The following MPHOSPH9 variants were observed in gnomAD, a reference collection of about 807,000 sequenced individuals.
MPHOSPH9 encodes M-phase phosphoprotein 9.
In MPHOSPH9, 88 loss-of-function variants were observed where a neutral mutation model predicts 145.5. The ratio of observed to expected loss-of-function variants is 0.60; its 90% confidence interval spans 0.51 to 0.72. The LOEUF (loss-of-function observed/expected upper bound fraction) is 0.72. Among genes scored for constraint, MPHOSPH9 ranks in the 30% least tolerant of loss-of-function variants. The pLI is 0.00. For synonymous variants in MPHOSPH9, 435 were observed against 486.2 expected (o/e 0.89, Z 1.39); for missense variants, 1,238 against 1,386.6 (o/e 0.89, Z 1.70).
At chr12:123,176,589 TA>T (rs1448166808) in intron 16 of MPHOSPH9, 98 bp downstream of exon 16, 16 of 870,530 alleles carry the variant, frequency 1.8e-5, no homozygotes, top group Non-Finnish European at 2.9e-5. Context: ...TAATGACATT[TA>T]ACCCGGACTT....
Position 123,202,915 on chromosome 12 carries a change from C to T in MPHOSPH9, c.1490G>A (p.Ser497Asn). ...PSDIDSFSQASNVTSQLPGFP... is the reference protein window; with the variant it reads ...PSDIDSFSQANNVTSQLPGFP... ...TCCAGGTAACTGAGAAGTGACATTA[C>T]TTGCTTGTGAAAATGAGTCTATGTC... Residue 497 changes from serine (S) to asparagine (N), a missense_variant, in exon 10 of 24, where the codon AGT (serine) becomes AAT (asparagine). By Grantham distance (46) the Ser-to-Asn change is conservative. Coordinates refer to ENST00000606320, the MANE Select transcript of MPHOSPH9 (RefSeq NM_022782.4). The T allele has an allele frequency of 6.2e-7, 1 of 1,614,142 alleles. No homozygotes were observed. Among genetic ancestry groups the T allele is most frequent in the Non-Finnish European group, 8.5e-7 (1 of 1,180,034 alleles).
intron 1 of MPHOSPH9, among the ~76,000 whole-genome samples, chr12:123,238,938 T>C (rs964056064): frequency 1.3e-5 from 2 of 152,154 alleles, no homozygotes; most frequent in Non-Finnish European, 2.9e-5. Flanking sequence ...ACCTAGAATT[T>C]GAAGCCTTCA....
chr12:123,207,515 G>A (rs1486111860), intron 8 of MPHOSPH9, among the ~76,000 whole-genome samples: 1 of 152,090 alleles, frequency 6.6e-6, no homozygotes, highest in Non-Finnish European at 1.5e-5. Flanking sequence ...TACTTTAATA[G>A]TATCTCTCCT....
At chr12:123,162,752 A>T (rs190688770) in intron 20 of MPHOSPH9, 15 of 356,254 alleles carry the variant, frequency 4.2e-5, no homozygotes, top group Middle Eastern at 7.6e-4. Context: ...AAAACAAAGA[A>T]CTATCATTCT....
At position 123,202,764 on chromosome 12, in the gene MPHOSPH9, G is replaced by C. The variant is rs766630504; in HGVS notation, c.1641C>G (p.Ile547Met). The C allele has an allele frequency of 6.7e-5, 108 of 1,614,050 alleles. No individual in the cohort carries two copies. Among genetic ancestry groups the C allele is most frequent in the Non-Finnish European group, 8.7e-5 (103 of 1,180,032 alleles). Reference protein sequence around the residue: ...PSVYTITSNDISVNTVDEENT... With the variant: ...PSVYTITSNDMSVNTVDEENT... ...TTTCTTCATCTACAGTGTTGACCGA[G>C]ATATCATTACTAGTAATGGTATATA... is the stretch of plus-strand genomic sequence containing the variant. Residue 547 changes from isoleucine (I) to methionine (M), a missense_variant, in exon 10 of 24, where the codon ATC becomes ATG. Coordinates refer to ENST00000606320, the MANE Select transcript of MPHOSPH9 (RefSeq NM_022782.4).
rs2046276632 is a variant in MPHOSPH9, at chr12:123,202,754, T to C, written c.1651A>G (p.Thr551Ala). ...ATGACAGTGTTTTCTTCATCTACAG[T>C]GTTGACCGAGATATCATTACTAGTA... ...TITSNDISVN[T>A]VDEENTVMVA... The change falls in exon 10 of 24, where the codon ACT becomes GCT. Residue 551 changes from threonine to alanine, a missense_variant. Coordinates refer to ENST00000606320, the MANE Select transcript of MPHOSPH9 (RefSeq NM_022782.4). The C allele has an allele frequency of 6.2e-7, 1 of 1,614,072 alleles. No individual in the cohort carries two copies. The highest frequency in any genetic ancestry group is 1.3e-5 in the African/African-American group (1 of 74,918).
At chr12:123,235,786 G>A (rs1228164701), upstream of MPHOSPH9, among the ~76,000 whole-genome samples, 12 of 151,882 alleles carry the variant, frequency 7.9e-5, no homozygotes, top group Admixed American at 6.6e-4. Flanking sequence ...AAAGTTGGCC[G>A]GGCGTGGTGG....
rs542137310 is a variant in MPHOSPH9, at chr12:123,220,965, G to A, written c.872+407C>T. ...AGCTACTCAGGAGACTGAGGCAGAA[G>A]AATGGCGTGAACCCGGGAGGCGGAG... On this transcript the variant is annotated intron_variant, in intron 5 of 23. Coordinates refer to ENST00000606320, the MANE Select transcript of MPHOSPH9 (RefSeq NM_022782.4). Among the ~76,000 whole-genome samples the A allele has an allele frequency of 3.3e-5, 5 of 152,234 alleles. No homozygotes were observed. In the South Asian group the frequency reaches 1.0e-3, roughly 32 times the overall value.
intron 17 of MPHOSPH9, 122 bp from the exon 18 acceptor site, chr12:123,165,599 G>T: frequency 1.1e-6 from 1 of 892,012 alleles, no homozygotes; most frequent in East Asian, 2.5e-5. Context: ...TGTGGAGGTG[G>T]GGTCTTTACG....
rs56061451 is a variant in MPHOSPH9 at position 123,197,031 on chromosome 12, G to GTT, written c.2025+1214_2025+1215dup. Among the ~76,000 whole-genome samples, 438 of 73,010 alleles carry GTT rather than the reference G, an allele frequency of 6.0e-3. 18 individuals are homozygous for GTT. The highest frequency in any genetic ancestry group is 9.4e-3 in the East Asian group (20 of 2,118). The allele number at this position is 73,010 out of a possible 152,430, so 47.9% of individuals were successfully genotyped here. Reference sequence around the variant, plus strand: ...GGGGGGTGACGGTTAAGGGGTGTGGGTTTTTTTTTTTTTTTTTTTTTTTTT... The same window carrying GTT: ...GGGGGGTGACGGTTAAGGGGTGTGGGTTTTTTTTTTTTTTTTTTTTTTTTTTT... On this transcript the variant is annotated intron_variant, in intron 12 of 23. Transcript: ENST00000606320.
chr12:123,212,984 T>C (rs10772996), intron 7 of MPHOSPH9, among the ~76,000 whole-genome samples: 96,173 of 149,838 alleles, frequency 0.64, 35,277 homozygotes, highest in East Asian at 1. Context: ...CTCAGCCTCT[T>C]GAGCAGCTGG....
chr12:123,184,091 A>G (rs1046870584), intron 13 of MPHOSPH9, among the ~76,000 whole-genome samples: 1 of 151,960 alleles, frequency 6.6e-6, no homozygotes, highest in African/African-American at 2.4e-5. Context: ...CTGTAGTCCC[A>G]GCTACTGGGG....
intron 3 of MPHOSPH9, among the ~76,000 whole-genome samples, chr12:123,223,348 C>T (rs2047298058): frequency 6.6e-6 from 1 of 152,032 alleles, no homozygotes; most frequent in African/African-American, 2.4e-5. Context: ...AAACTTTCAG[C>T]CACAGACCAC....
chr12:123,197,692 G>A (rs1329856326), intron 12 of MPHOSPH9, among the ~76,000 whole-genome samples: 2 of 151,644 alleles, frequency 1.3e-5, no homozygotes, highest in African/African-American at 2.4e-5. Flanking sequence ...TGAGGCAGGA[G>A]AATCGCCTGA....
At chr12:123,182,739 T>G (rs539547073) in intron 13 of MPHOSPH9, among the ~76,000 whole-genome samples, 1 of 120,446 alleles carries the variant, frequency 8.3e-6, no homozygotes. Flanking sequence ...TAGCGAAACC[T>G]TGTCTCTACT....
chr12:123,237,861 T>C (rs1488014347), upstream of MPHOSPH9, among the ~76,000 whole-genome samples: 2 of 151,990 alleles, frequency 1.3e-5, no homozygotes, highest in African/African-American at 4.8e-5. Flanking sequence ...GAAATGCTAC[T>C]TTCTTTTTAA....
chr12:123,229,821 A>ATTTTT (rs370919298), intron 2 of MPHOSPH9, among the ~76,000 whole-genome samples: 4 of 135,818 alleles, frequency 2.9e-5, no homozygotes, highest in East Asian at 2.2e-4. Context: ...GTCCCCGAAC[A>ATTTTT]TTTTTTTTTT....
chr12:123,220,693 C>G (rs1276723827), intron 5 of MPHOSPH9, among the ~76,000 whole-genome samples: 1 of 152,020 alleles, frequency 6.6e-6, no homozygotes, highest in Non-Finnish European at 1.5e-5. Flanking sequence ...GAATTTTAGG[C>G]TACAGTGAGC....
intron 16 of MPHOSPH9, among the ~76,000 whole-genome samples, chr12:123,171,034 G>A (rs568585946): frequency 4.3e-4 from 65 of 152,272 alleles, no homozygotes; most frequent in Middle Eastern, 3.4e-3. Flanking sequence ...GGATCTGTGC[G>A]CTGCTTGTTA....
Sources: gnomAD v4.1 joint callset for allele counts (sites outside exome capture counted in the v4.1 genomes callset) on GRCh38, gnomAD v4.1.1 for gene constraint, MANE v1.5 for transcripts, NCBI Gene and HGNC (gene_info 2026-07-23, HGNC 2026-07-21) for gene names.